PTPRD: variants seen among roughly 807,000 people sequenced by gnomAD.
PTPRD encodes the protein protein tyrosine phosphatase receptor type D.
In PTPRD, 34 loss-of-function variants were observed where a neutral mutation model predicts 214.5. The observed-to-expected ratio is 0.16, with a 90% CI of 0.12 to 0.21. PTPRD has a LOEUF of 0.21. Ranked by LOEUF, PTPRD falls within the 10% of genes least tolerant of loss-of-function variation. The pLI is 1.00. For missense variants in PTPRD, 2,545 were observed against 2,398.7 expected (o/e 1.06, Z -1.27); for synonymous variants, 1,128 against 845.7 (o/e 1.33, Z -5.79).
intron 10 of PTPRD, among the ~76,000 whole-genome samples, chr9:9,164,895 A>G (rs1456666338): frequency 2.2e-5 from 3 of 137,478 alleles, no homozygotes; most frequent in African/African-American, 8.0e-5. Flanking sequence ...CAAACAAACC[A>G]ACCAGAAATT....
intron 14 of PTPRD, among the ~76,000 whole-genome samples, chr9:8,616,693 C>T (rs1182740268): frequency 1.3e-5 from 2 of 151,976 alleles, no homozygotes; most frequent in Non-Finnish European, 2.9e-5. Context: ...CAATAGATAC[C>T]CTACTTTCAG....
At chr9:8,779,414 G>A (rs149122946) in intron 11 of PTPRD, among the ~76,000 whole-genome samples, 4 of 152,204 alleles carry the variant, frequency 2.6e-5, no homozygotes, top group East Asian at 1.9e-4. Flanking sequence ...GGGTGGGGCC[G>A]GGAGGTGGGG....
intron 44 of PTPRD, among the ~76,000 whole-genome samples, chr9:8,329,949 C>G (rs1563973641): frequency 7.2e-5 from 4 of 55,212 alleles, no homozygotes; most frequent in Non-Finnish European, 1.1e-4. Context: ...TCTTGCTGGG[C>G]TCTGTGGGAG....
At chr9:10,150,894 C>A (rs549852778) in intron 3 of PTPRD, among the ~76,000 whole-genome samples, 2 of 151,988 alleles carry the variant, frequency 1.3e-5, no homozygotes, top group South Asian at 4.2e-4. Context: ...TCCCCAAATT[C>A]TCTTAAAAAT....
At chr9:8,584,474 C>A (rs10977215) in intron 14 of PTPRD, among the ~76,000 whole-genome samples, 3,523 of 151,686 alleles carry the variant, frequency 0.023, 104 homozygotes, top group East Asian at 0.14. Flanking sequence ...AATTTACATT[C>A]TTCTCTATTA....
chr9:9,927,336 T>A (rs535008132), intron 5 of PTPRD, among the ~76,000 whole-genome samples: 1 of 152,246 alleles, frequency 6.6e-6, no homozygotes, highest in African/African-American at 2.4e-5. Flanking sequence ...ATTACTACCC[T>A]TTATTATGAA....
At chr9:9,105,579 C>G (rs534971761) in intron 10 of PTPRD, among the ~76,000 whole-genome samples, 10 of 152,294 alleles carry the variant, frequency 6.6e-5, no homozygotes, top group African/African-American at 2.4e-4. Context: ...TTGAAATTAT[C>G]GTCATTTGTG....
At chr9:10,287,097 A>G (rs1362640901) in intron 3 of PTPRD, among the ~76,000 whole-genome samples, 2 of 152,214 alleles carry the variant, frequency 1.3e-5, no homozygotes, top group African/African-American at 4.8e-5. Context: ...CAGGCGACTA[A>G]CTTACTGGTG....
At chr9:9,002,979 C>T (rs1044913388) in intron 11 of PTPRD, among the ~76,000 whole-genome samples, 1 of 151,974 alleles carries the variant, frequency 6.6e-6, no homozygotes, top group Non-Finnish European at 1.5e-5. Flanking sequence ...GGGACTACTG[C>T]TGGAAATTAA....
At chr9:8,747,452 G>C (rs999772104) in intron 11 of PTPRD, among the ~76,000 whole-genome samples, 9 of 151,956 alleles carry the variant, frequency 5.9e-5, no homozygotes, top group Non-Finnish European at 1.0e-4. Flanking sequence ...AACCTAAAGA[G>C]GTGGCAGTCT....
intron 9 of PTPRD, among the ~76,000 whole-genome samples, chr9:9,321,773 G>A (rs1219770041): frequency 2.6e-5 from 4 of 152,104 alleles, no homozygotes; most frequent in African/African-American, 9.7e-5. Flanking sequence ...AATGGGAGTT[G>A]TAGCAGGGTC....
intron 10 of PTPRD, among the ~76,000 whole-genome samples, chr9:9,077,394 G>A (rs931176746): frequency 3.9e-5 from 2 of 51,182 alleles, no homozygotes; most frequent in Non-Finnish European, 5.0e-5. Flanking sequence ...TTATTATCTT[G>A]AATAAGCTTA....
At chr9:9,892,948 GA>G (rs1179235553) in intron 5 of PTPRD, among the ~76,000 whole-genome samples, 4 of 152,160 alleles carry the variant, frequency 2.6e-5, no homozygotes, top group South Asian at 4.2e-4. Context: ...CGTATGTTGG[GA>G]AAATTTGTAG....
chr9:10,047,998 C>G (rs868238526), intron 3 of PTPRD, among the ~76,000 whole-genome samples: 1 of 152,166 alleles, frequency 6.6e-6, no homozygotes, highest in Non-Finnish European at 1.5e-5. Flanking sequence ...ACAGAGTGAA[C>G]TTTCCAGTTT....
chr9:9,929,759 G>T (rs1217818153), intron 5 of PTPRD, among the ~76,000 whole-genome samples: 1 of 152,172 alleles, frequency 6.6e-6, no homozygotes, highest in East Asian at 1.9e-4. Flanking sequence ...AATAATGGAG[G>T]ATGTCCCTAG....
intron 9 of PTPRD, among the ~76,000 whole-genome samples, chr9:9,227,782 A>T (rs1396082315): frequency 1.3e-5 from 2 of 152,082 alleles, no homozygotes; most frequent in Non-Finnish European, 2.9e-5. Flanking sequence ...TAGCCATGTG[A>T]ATGAGCCATC....
chr9:9,294,491 G>A (rs1321218955), intron 9 of PTPRD, among the ~76,000 whole-genome samples: 5 of 151,636 alleles, frequency 3.3e-5, no homozygotes, highest in African/African-American at 1.2e-4. Flanking sequence ...TTGGACGTAA[G>A]GCTGCTAAGA....
At chr9:8,751,331 C>T (rs1375513212) in intron 11 of PTPRD, among the ~76,000 whole-genome samples, 2 of 151,630 alleles carry the variant, frequency 1.3e-5, no homozygotes, top group African/African-American at 4.9e-5. Flanking sequence ...TACAAAGAAA[C>T]GGTCAGCATT....
At chr9:8,846,020 G>C (rs191441294) in intron 11 of PTPRD, among the ~76,000 whole-genome samples, 4 of 152,284 alleles carry the variant, frequency 2.6e-5, no homozygotes, top group Admixed American at 6.5e-5. Context: ...ATGGCCATGT[G>C]TCAGAATTAA....
Sources: allele counts gnomAD v4.1 joint callset (sites outside exome capture counted in the v4.1 genomes callset), GRCh38; gene constraint gnomAD v4.1.1; transcripts MANE v1.5; gene names NCBI Gene and HGNC (gene_info 2026-07-23, HGNC 2026-07-21).